PC: variants seen among roughly 807,000 people sequenced by gnomAD.
The protein encoded by PC is pyruvate carboxylase.
Under a neutral mutation model 107.8 loss-of-function variants are expected in PC, and 46 were observed. That is an observed-to-expected ratio of 0.43 (90% CI 0.34 to 0.55). The LOEUF (loss-of-function observed/expected upper bound fraction) is 0.55, where lower values mean the gene tolerates loss of function less well. PC is among the 20% of genes least tolerant of loss of function. The pLI, the probability that PC is intolerant of heterozygous loss-of-function variation, is 0.04. For missense variants in PC, 1,241 were observed against 1,643.1 expected (o/e 0.76, Z 4.23); for synonymous variants, 662 against 684.7 (o/e 0.97, Z 0.52).
chr11:66,919,972 T>C (rs768244681), intron 3 of PC: 1 of 152,168 alleles, frequency 6.6e-6, no homozygotes, highest in Non-Finnish European at 1.5e-5. Context: ...GGCTTGATAA[T>C]AGCAGTTACA....
chr11:66,923,748 G>A (rs1003765504), intron 3 of PC, among the ~76,000 whole-genome samples: 6 of 151,936 alleles, frequency 3.9e-5, no homozygotes, highest in Admixed American at 1.3e-4. Context: ...TCAAACTCCT[G>A]GCCTCAAGTG....
intron 3 of PC, among the ~76,000 whole-genome samples, chr11:66,934,222 A>T (rs1948937797): frequency 6.6e-6 from 1 of 152,088 alleles, no homozygotes; most frequent in African/African-American, 2.4e-5. Flanking sequence ...CCTCGGATTC[A>T]CATATTCTAC....
intron 3 of PC, among the ~76,000 whole-genome samples, chr11:66,913,527 C>T (rs1740154782): frequency 6.6e-6 from 1 of 151,604 alleles, no homozygotes; most frequent in African/African-American, 2.4e-5. Flanking sequence ...CAAAAATTAG[C>T]CGGGCGTGCC....
At chr11:66,940,173 C>T (rs762678972) in intron 3 of PC, among the ~76,000 whole-genome samples, 1 of 149,652 alleles carries the variant, frequency 6.7e-6, no homozygotes, top group African/African-American at 2.4e-5. Flanking sequence ...GGATTAATAT[C>T]GAGAATACAT....
chr11:66,947,765 C>T (rs529377797), intron 3 of PC, among the ~76,000 whole-genome samples: 1 of 151,198 alleles, frequency 6.6e-6, no homozygotes, highest in Non-Finnish European at 1.5e-5. Context: ...GGAGTCGAGA[C>T]CAGCCTGGCC....
In PC at chr11:66,890,302, G is replaced by A. The variant is rs1478759253; in HGVS notation, c.1-18143C>T. Among the ~76,000 whole-genome samples, 11 of 152,216 alleles carry A rather than the reference G, an allele frequency of 7.2e-5. No homozygotes were observed. The East Asian group carries it at 1.7e-3, about 24-fold the overall frequency. On this transcript the variant is annotated intron_variant, in intron 3 of 22. Coordinates refer to ENST00000393960, the MANE Select transcript of PC (RefSeq NM_001040716.2). ...TGATCTTGCACTTTCTGGTCTTTAGGACTGTGAGAAATGCATTTCTGCTGT... is the reference window on the plus strand; with the variant it reads ...TGATCTTGCACTTTCTGGTCTTTAGAACTGTGAGAAATGCATTTCTGCTGT...
intron 3 of PC, among the ~76,000 whole-genome samples, chr11:66,884,015 C>T (rs896345593): frequency 4.6e-5 from 7 of 152,094 alleles, no homozygotes; most frequent in African/African-American, 1.7e-4. Flanking sequence ...GAGGCTGAAG[C>T]GGGTGGATCA....
intron 3 of PC, among the ~76,000 whole-genome samples, chr11:66,932,865 A>C (rs1352658639): frequency 6.6e-6 from 1 of 152,070 alleles, no homozygotes; most frequent in African/African-American, 2.4e-5. Context: ...GCACACCAAA[A>C]CCCATTCCAA....
chr11:66,947,311 C>T (rs7119682), intron 3 of PC, among the ~76,000 whole-genome samples: 64,823 of 151,620 alleles, frequency 0.43, 14,198 homozygotes, highest in Middle Eastern at 0.47. Flanking sequence ...AAGCTGGGTG[C>T]GGTGGCTCAT....
intron 3 of PC, among the ~76,000 whole-genome samples, chr11:66,891,943 G>C (rs1210394842): frequency 6.6e-6 from 1 of 152,052 alleles, no homozygotes; most frequent in Admixed American, 6.6e-5. Context: ...TTTTCCTTTT[G>C]TGAACTGCCT....
At chr11:66,878,256 C>G (rs1161768480) in intron 3 of PC, among the ~76,000 whole-genome samples, 4 of 152,152 alleles carry the variant, frequency 2.6e-5, no homozygotes, top group African/African-American at 9.7e-5. Flanking sequence ...CAGGGAGCCC[C>G]AGTCCTTTCC....
At chr11:66,933,155 GTC>G (rs1475842639) in intron 3 of PC, among the ~76,000 whole-genome samples, 1 of 152,090 alleles carries the variant, frequency 6.6e-6, no homozygotes, top group Non-Finnish European at 1.5e-5. Context: ...CCCTGAAGGT[GTC>G]TCTCTCCTGA....
intron 3 of PC, among the ~76,000 whole-genome samples, chr11:66,888,641 G>A (rs1046126251): frequency 1.3e-5 from 2 of 152,216 alleles, no homozygotes; most frequent in East Asian, 1.9e-4. Flanking sequence ...CAGATTACCT[G>A]GTGTCTCCGA....
chr11:66,891,118 G>A (rs907845675), intron 3 of PC, among the ~76,000 whole-genome samples: 1 of 151,880 alleles, frequency 6.6e-6, no homozygotes, highest in Non-Finnish European at 1.5e-5. Flanking sequence ...GTGCAGTGGC[G>A]CGATCTCGGC....
At chr11:66,890,662 G>A (rs956451297) in intron 3 of PC, among the ~76,000 whole-genome samples, 5 of 151,310 alleles carry the variant, frequency 3.3e-5, no homozygotes, top group Non-Finnish European at 5.9e-5. Flanking sequence ...CACCATGCCC[G>A]GCTAATTTTG....
Position 66,871,675 on chromosome 11 carries a change from C to T in PC, c.321+12G>A. 1.3e-6 allele frequency: 2 copies of T among 1,563,810 alleles called. No individual in the cohort carries two copies. The highest frequency in any genetic ancestry group is 8.7e-7 in the Non-Finnish European group (1 of 1,154,038). ...CCCTGCTGTCCAGGCCCAGCCAGGC[C>T]ACTGGGCTCACCTTGGCCACCTTGA... On this transcript the variant is annotated intron_variant, in intron 5 of 22. Transcript: ENST00000393960. The surrounding 1 kb of genome is among the most constrained non-coding windows in gnomAD (Gnocchi z 7.4).
intron 3 of PC, among the ~76,000 whole-genome samples, chr11:66,934,112 T>G (rs1317375094): frequency 6.6e-6 from 1 of 152,094 alleles, no homozygotes; most frequent in East Asian, 1.9e-4. Context: ...TCACTCCCAT[T>G]GCCACTGTCC....
At position 66,858,443 on chromosome 11, in the gene PC, G is replaced by A. The variant is rs1177638355; in HGVS notation, c.1369-5060C>T. 8 of 1,552,078 alleles carry A rather than the reference G, an allele frequency of 5.2e-6. No homozygotes were observed. Among genetic ancestry groups the A allele is most frequent in the Non-Finnish European group, 6.9e-6 (8 of 1,155,124 alleles). On this transcript the variant is annotated intron_variant, in intron 12 of 22. Transcript: ENST00000393960. This position sits in a 1 kb window ranked among gnomAD's most constrained non-coding sequence, Gnocchi z 5.9. ...CCCCCCTGGTGCTGAGCTTTAGCGG[G>A]AACCCCCTGCACTGCAACTGTGAGC...
intron 3 of PC, among the ~76,000 whole-genome samples, chr11:66,882,788 T>A (rs1947229082): frequency 6.6e-6 from 1 of 151,882 alleles, no homozygotes; most frequent in Non-Finnish European, 1.5e-5. Context: ...GGCTCTGCTC[T>A]AAACATGTCC....
Sources: allele counts gnomAD v4.1 joint callset (sites outside exome capture counted in the v4.1 genomes callset), GRCh38; gene constraint gnomAD v4.1.1; non-coding constraint Gnocchi (gnomAD v3.1); transcripts MANE v1.5; gene names NCBI Gene and HGNC (gene_info 2026-07-23, HGNC 2026-07-21).